SCAF4: variants seen among roughly 807,000 people sequenced by gnomAD.
The protein encoded by SCAF4 is SR-related CTD associated factor 4, also known as SR-related and CTD-associated factor 4.
In SCAF4, 25 loss-of-function variants were observed where a neutral mutation model predicts 129.8. The ratio of observed to expected loss-of-function variants is 0.19; its 90% confidence interval spans 0.14 to 0.27. The LOEUF (loss-of-function observed/expected upper bound fraction) is 0.27. Among genes scored for constraint, SCAF4 ranks in the 10% least tolerant of loss-of-function variants. The pLI is 1.00. For synonymous variants in SCAF4, 551 were observed against 497.7 expected, an observed-to-expected ratio of 1.11 and a Z score of -1.43; for missense variants, 1,246 against 1,457.1, an observed-to-expected ratio of 0.86 and a Z score of 2.36.
chr21:31,714,053 C>T (rs948270533), intron 1 of SCAF4, among the ~76,000 whole-genome samples: 8 of 152,140 alleles, frequency 5.3e-5, no homozygotes, highest in Admixed American at 2.6e-4. Context: ...GAATCTGGGT[C>T]TGGCCATGCA....
chr21:31,683,811 A>G (rs2050051890), intron 19 of SCAF4, among the ~76,000 whole-genome samples: 1 of 152,156 alleles, frequency 6.6e-6, no homozygotes, highest in Non-Finnish European at 1.5e-5. Flanking sequence ...AGACCTCTTA[A>G]GCAACTTCCT....
chr21:31,674,992 G>C (rs1287000878), intron 19 of SCAF4, among the ~76,000 whole-genome samples: 4 of 152,154 alleles, frequency 2.6e-5, no homozygotes, highest in African/African-American at 9.7e-5. Flanking sequence ...GCAGTCATCG[G>C]GGGTGTCTGA....
At chr21:31,676,165 T>G (rs564784438) in intron 19 of SCAF4, among the ~76,000 whole-genome samples, 57 of 152,318 alleles carry the variant, frequency 3.7e-4, no homozygotes, top group African/African-American at 1.3e-3. Flanking sequence ...GAGGAACGAC[T>G]CAGTTCCTCT....
At chr21:31,707,159 G>A (rs1176238688) in intron 1 of SCAF4, among the ~76,000 whole-genome samples, 1 of 151,932 alleles carries the variant, frequency 6.6e-6, no homozygotes, top group African/African-American at 2.4e-5. Flanking sequence ...TAGATGGGGG[G>A]GTTACTTTTT....
chr21:31,691,797 T>G lies in SCAF4; in HGVS notation c.1728+20A>C. ...CTGCCTATTTAAAAAAAAAATTAAT[T>G]ATAACATGTAAGACTGTACCTTTAT... On this transcript the variant is annotated intron_variant, in intron 14 of 19. Coordinates refer to ENST00000286835, the MANE Select transcript of SCAF4 (RefSeq NM_020706.2). 7.5e-7 allele frequency: 1 copy of G among 1,328,344 alleles called. No individual in the cohort carries two copies. Among genetic ancestry groups the G allele is most frequent in the Non-Finnish European group, 1.0e-6 (1 of 977,636 alleles). The allele number at this position is 1,328,344 out of a possible 1,614,324, so 82.3% of individuals were successfully genotyped here.
At chr21:31,729,007 T>G (rs1245138405) in intron 1 of SCAF4, among the ~76,000 whole-genome samples, 1 of 152,190 alleles carries the variant, frequency 6.6e-6, no homozygotes, top group Non-Finnish European at 1.5e-5. Context: ...CCTTTTCCTA[T>G]TCTCCATTCC....
chr21:31,675,954 A>G (rs1292044566), intron 19 of SCAF4, among the ~76,000 whole-genome samples: 1 of 152,274 alleles, frequency 6.6e-6, no homozygotes, highest in South Asian at 2.1e-4. Flanking sequence ...TCTCCGGAGA[A>G]TGTGCATAAG....
chr21:31,695,081 G>T, intron 9 of SCAF4, 101 bp from the exon 10 acceptor site: 1 of 954,004 alleles, frequency 1.0e-6, no homozygotes, highest in Non-Finnish European at 1.6e-6. Context: ...GTTTGATCAA[G>T]GAAAAGTTAC....
chr21:31,706,170 AT>A, intron 2 of SCAF4, 103 bp downstream of exon 2: 2 of 756,614 alleles, frequency 2.6e-6, no homozygotes, highest in East Asian at 5.4e-5. Flanking sequence ...GGGCTCTTTG[AT>A]TTAGGCCTGA....
rs1364665234 is a variant in SCAF4, at chr21:31,717,902, T to TACACAC, written c.31-11546_31-11545insGTGTGT. Among the ~76,000 whole-genome samples, 183 of 95,602 alleles carry TACACAC rather than the reference T, an allele frequency of 1.9e-3. 2 individuals carry two copies. Among genetic ancestry groups the TACACAC allele is most frequent in the African/African-American group, 4.7e-3 (112 of 23,654 alleles). The allele number at this position is 95,602 out of a possible 152,430, so 62.7% of individuals were successfully genotyped here. On this transcript the variant is annotated intron_variant, in intron 1 of 19. Transcript: ENST00000286835. ...ACATATATACACATATATACACATA[T>TACACAC]ATACACACACACACACACACACACA...
chr21:31,721,725 CTT>C (rs1030749806), intron 1 of SCAF4, among the ~76,000 whole-genome samples: 14 of 125,400 alleles, frequency 1.1e-4, no homozygotes, highest in Non-Finnish European at 6.7e-5. Flanking sequence ...AAGAGCAATT[CTT>C]TTTTTTTTTT....
chr21:31,727,063 C>G (rs944577254), intron 1 of SCAF4, among the ~76,000 whole-genome samples: 4 of 151,986 alleles, frequency 2.6e-5, no homozygotes, highest in African/African-American at 9.7e-5. Context: ...TTTATTTTCT[C>G]TGCACTATTT....
chr21:31,693,976 C>A (rs781582604), intron 11 of SCAF4, among the ~76,000 whole-genome samples: 1 of 151,410 alleles, frequency 6.6e-6, no homozygotes, highest in South Asian at 2.1e-4. Flanking sequence ...TTCAAAATTC[C>A]GTTACATCTG....
chr21:31,688,300 T>C lies in SCAF4; in HGVS notation c.2043+7A>G. On this transcript the variant is annotated splice_region_variant and intron_variant, in intron 16 of 19. Coordinates refer to ENST00000286835, the MANE Select transcript of SCAF4 (RefSeq NM_020706.2). ...TTAAAGTTTAAGTCATGTCCCAATATTCTCACCTGTGGAGGTGGCACTGTT... is the reference window on the plus strand; with the variant it reads ...TTAAAGTTTAAGTCATGTCCCAATACTCTCACCTGTGGAGGTGGCACTGTT... 6.2e-7 allele frequency: 1 copy of C among 1,611,132 alleles called. No individual in the cohort carries two copies. The highest frequency in any genetic ancestry group is 1.1e-5 in the South Asian group (1 of 90,370).
chr21:31,718,645 T>A (rs1299225421), intron 1 of SCAF4, among the ~76,000 whole-genome samples: 1 of 152,232 alleles, frequency 6.6e-6, no homozygotes, highest in African/African-American at 2.4e-5. Flanking sequence ...ACCATTTTCC[T>A]GCTCCGACTG....
rs771246622 is a variant in SCAF4, at chr21:31,691,837, C to T, written c.1708G>A (p.Val570Met). The change falls in exon 14 of 20, where the codon GTG (valine) becomes ATG (methionine). Residue 570 changes from valine (V) to methionine (M), a missense_variant. Physicochemically the swap from Val to Met is conservative, Grantham distance 21. Coordinates refer to ENST00000286835, the MANE Select transcript of SCAF4 (RefSeq NM_020706.2). ...LQKLSRGNYKVNQKSIKIAWA... is the reference protein window; with the variant it reads ...LQKLSRGNYKMNQKSIKIAWA... ...TGTACCTTTATGGATTTCTGGTTCA[C>T]TTTATAGTTTCCTCGGCTCAGTTTC... is the stretch of plus-strand genomic sequence containing the variant. 1 of 1,601,056 alleles carries T rather than the reference C, an allele frequency of 6.2e-7. No individual in the cohort carries two copies. The highest frequency in any genetic ancestry group is 2.2e-5 in the East Asian group (1 of 44,672).
At chr21:31,714,961 A>G (rs1004922255) in intron 1 of SCAF4, among the ~76,000 whole-genome samples, 28 of 152,196 alleles carry the variant, frequency 1.8e-4, no homozygotes, top group Non-Finnish European at 2.9e-5. Flanking sequence ...CCCTTTAAGT[A>G]TGGTATCCTC....
Position 31,701,935 on chromosome 21 carries a change from C to A in SCAF4, c.458-17G>T. On this transcript the variant is annotated splice_polypyrimidine_tract_variant and intron_variant, in intron 5 of 19. Transcript: ENST00000286835. The stretch of plus-strand genomic sequence containing the variant: ...GAGGTGAGCCTAAAAAAGAAAAGGG[C>A]ATTAAGGCCTAAAAAAAAAGTTAAC... 6.2e-7 allele frequency: 1 copy of A among 1,607,846 alleles called. No homozygotes were observed. Among genetic ancestry groups the A allele is most frequent in the South Asian group, 1.1e-5 (1 of 89,500 alleles).
rs569019515 is a variant in SCAF4, at chr21:31,719,395, G to C, written c.30+12268C>G. On this transcript the variant is annotated intron_variant, in intron 1 of 19. Transcript: ENST00000286835. ...TTTCACTCTTTAATTGTACCATCGA[G>C]CCCTTATTCTATTACCATTTACTCC... Among the ~76,000 whole-genome samples the C allele has an allele frequency of 7.8e-4, 119 of 152,050 alleles. 1 individual carries two copies. The highest frequency in any genetic ancestry group is 2.8e-3 in the African/African-American group (116 of 41,458).
Sources: gnomAD v4.1 joint callset for allele counts (sites outside exome capture counted in the v4.1 genomes callset) on GRCh38, gnomAD v4.1.1 for gene constraint, MANE v1.5 for transcripts, NCBI Gene and HGNC (gene_info 2026-07-23, HGNC 2026-07-21) for gene names.